The following PHGDH variants were observed in gnomAD, a reference collection of about 807,000 sequenced individuals.
PHGDH encodes phosphoglycerate dehydrogenase, also known as D-3-phosphoglycerate dehydrogenase.
A neutral mutation model predicts 52.6 loss-of-function variants in PHGDH; 50 were observed. The observed-to-expected ratio is 0.95, with a 90% CI of 0.76 to 1.20. PHGDH has a LOEUF of 1.20. PHGDH is among the 50% of genes most tolerant of loss of function. The pLI is 0.00. For synonymous variants in PHGDH, 271 were observed against 280.5 expected, an observed-to-expected ratio of 0.97 and a Z score of 0.34; for missense variants, 630 against 684.6, an observed-to-expected ratio of 0.92 and a Z score of 0.89.
chr1:119,726,417 A>C (rs1651417695), intron 3 of PHGDH, among the ~76,000 whole-genome samples: 1 of 152,100 alleles, frequency 6.6e-6, no homozygotes, highest in South Asian at 2.1e-4. Flanking sequence ...TAATAGTAGA[A>C]GACGTCATAG....
chr1:119,718,887 G>A (rs1651036277), intron 1 of PHGDH, among the ~76,000 whole-genome samples: 1 of 152,164 alleles, frequency 6.6e-6, no homozygotes, highest in African/African-American at 2.4e-5. Flanking sequence ...AACTAGATAT[G>A]AAACATATTA....
Position 119,740,383 on chromosome 1 carries a change from C to T in PHGDH, c.946-3C>T, listed in dbSNP as rs587602995. The T allele has an allele frequency of 6.2e-7, 1 of 1,614,130 alleles. No individual in the cohort carries two copies. Among genetic ancestry groups the T allele is most frequent in the South Asian group, 1.1e-5 (1 of 91,066 alleles). On this transcript the variant is annotated splice_region_variant and splice_polypyrimidine_tract_variant and intron_variant, in intron 8 of 11. Coordinates refer to ENST00000641023, the MANE Select transcript of PHGDH (RefSeq NM_006623.4). ...CACAGCCCCGCTCCTCCATCCTCTGCAGGTGAATGCCCAGGCCCTTACCAG... is the reference window on the plus strand; with the variant it reads ...CACAGCCCCGCTCCTCCATCCTCTGTAGGTGAATGCCCAGGCCCTTACCAG...
chr1:119,730,954 A>G (rs1229746124), intron 5 of PHGDH, among the ~76,000 whole-genome samples: 2 of 152,198 alleles, frequency 1.3e-5, no homozygotes, highest in Non-Finnish European at 2.9e-5. Context: ...ATCAGGTCCA[A>G]AAAGACATAT....
chr1:119,742,552 T>C (rs1398605731), intron 10 of PHGDH: 1 of 591,794 alleles, frequency 1.7e-6, no homozygotes, highest in African/African-American at 1.9e-5. Flanking sequence ...TTCCTCCCTG[T>C]TTTCCTCCAA....
intron 3 of PHGDH, chr1:119,724,280 C>G (rs662602): frequency 0.75 from 125,081 of 166,132 alleles, 47,902 homozygotes; most frequent in East Asian, 0.94. Flanking sequence ...CCTAAACCAG[C>G]GGACCTAGGC....
intron 3 of PHGDH, 32 bp downstream of exon 3, chr1:119,723,473 T>C (rs745376914): frequency 6.6e-7 from 1 of 1,522,080 alleles, no homozygotes; most frequent in South Asian, 1.1e-5. Flanking sequence ...AAAGCTAGTC[T>C]CTCCGATATG....
intron 5 of PHGDH, 129 bp from the exon 6 acceptor site, chr1:119,734,505 G>A (rs1571008902): frequency 1.1e-6 from 1 of 877,168 alleles, no homozygotes; most frequent in East Asian, 2.4e-5. Flanking sequence ...TAAATTAACT[G>A]GAGAATTAAT....
intron 5 of PHGDH, 163 bp downstream of exon 5, chr1:119,727,265 G>T: frequency 4.5e-6 from 3 of 669,478 alleles, no homozygotes; most frequent in Non-Finnish European, 2.7e-6. Context: ...GAGAACACTG[G>T]CCTGCTGATC....
intron 8 of PHGDH, 169 bp from the exon 9 acceptor site, chr1:119,740,217 G>A: frequency 3.1e-6 from 2 of 655,056 alleles, no homozygotes; most frequent in South Asian, 3.5e-5. Flanking sequence ...GTAGGAACAA[G>A]TCCTTGTCCT....
At chr1:119,743,813 T>C in intron 11 of PHGDH, 73 bp from the exon 12 acceptor site, 1 of 1,174,758 alleles carries the variant, frequency 8.5e-7, no homozygotes, top group Non-Finnish European at 1.3e-6. Flanking sequence ...TTTGAACTTC[T>C]GATTCTGCTC....
At chr1:119,718,254 C>T (rs1044323370) in intron 1 of PHGDH, among the ~76,000 whole-genome samples, 1 of 152,206 alleles carries the variant, frequency 6.6e-6, no homozygotes, top group African/African-American at 2.4e-5. Flanking sequence ...GACTTGATTC[C>T]AGCTTCTGCC....
At chr1:119,741,328 C>T (rs866806495) in intron 9 of PHGDH, among the ~76,000 whole-genome samples, 2 of 152,138 alleles carry the variant, frequency 1.3e-5, no homozygotes, top group East Asian at 1.9e-4. Context: ...GGTGTCCAAG[C>T]GCCGAAGGAA....
intron 3 of PHGDH, among the ~76,000 whole-genome samples, chr1:119,725,694 T>C (rs1040383039): frequency 6.6e-6 from 1 of 152,166 alleles, no homozygotes; most frequent in African/African-American, 2.4e-5. Flanking sequence ...GAGAATGTTT[T>C]TGTGTTAGAA....
intron 10 of PHGDH, chr1:119,742,226 C>T: frequency 2.4e-6 from 1 of 411,778 alleles, no homozygotes; most frequent in Non-Finnish European, 4.6e-6. Context: ...TGCCTAACTC[C>T]CCTCAGGGCT....
chr1:119,727,111 T>C lies in PHGDH; in HGVS notation c.510+9T>C. 2.0e-6 allele frequency: 3 copies of C among 1,519,966 alleles called. No individual in the cohort carries two copies. The highest frequency in any genetic ancestry group is 2.7e-6 in the Non-Finnish European group (3 of 1,093,730). The allele number at this position is 1,519,966 out of a possible 1,614,324, so 94.2% of individuals were successfully genotyped here. On this transcript the variant is annotated intron_variant, in intron 5 of 11. Coordinates refer to ENST00000641023, the MANE Select transcript of PHGDH (RefSeq NM_006623.4). ...AGTCCTTTGGGATGAAGGTAAGATG[T>C]TGCTGGAACCCTGTGATGTGGGACT...
At chr1:119,732,421 G>A (rs1651736294) in intron 5 of PHGDH, among the ~76,000 whole-genome samples, 1 of 152,152 alleles carries the variant, frequency 6.6e-6, no homozygotes, top group African/African-American at 2.4e-5. Context: ...TTGAATGGTG[G>A]GTACCCAGAG....
chr1:119,729,232 T>C (rs1473964388), intron 5 of PHGDH, among the ~76,000 whole-genome samples: 2 of 152,156 alleles, frequency 1.3e-5, no homozygotes, highest in African/African-American at 2.4e-5. Flanking sequence ...AGCCTTGCCC[T>C]CTGTGCAGGG....
chr1:119,712,285 A>T, intron 1 of PHGDH, 125 bp downstream of exon 1: 1 of 796,120 alleles, frequency 1.3e-6, no homozygotes, highest in Non-Finnish European at 2.1e-6. Context: ...GCCTCCTGAG[A>T]TTGGGGGGTA....
intron 1 of PHGDH, among the ~76,000 whole-genome samples, chr1:119,716,178 G>T (rs1192279899): frequency 6.6e-6 from 1 of 152,140 alleles, no homozygotes; most frequent in African/African-American, 2.4e-5. Context: ...ACTGATGTGG[G>T]ATGTCTGGTT....
Sources: gnomAD v4.1 joint callset for allele counts (sites outside exome capture counted in the v4.1 genomes callset) on GRCh38, gnomAD v4.1.1 for gene constraint, MANE v1.5 for transcripts, NCBI Gene and HGNC (gene_info 2026-07-23, HGNC 2026-07-21) for gene names.